CPQ: variants seen among roughly 807,000 people sequenced by gnomAD.
CPQ encodes the protein carboxypeptidase Q.
Under a neutral mutation model 45.7 loss-of-function variants are expected in CPQ, and 37 were observed. The ratio of observed to expected loss-of-function variants is 0.81; its 90% CI spans 0.62 to 1.07. The LOEUF is 1.07. CPQ is among the 50% of genes least tolerant of loss of function. The pLI is 0.00. For synonymous variants in CPQ, 186 were observed against 205.8 expected, an observed-to-expected ratio of 0.90 and a Z score of 0.82; for missense variants, 537 against 572.9, an observed-to-expected ratio of 0.94 and a Z score of 0.64.
At chr8:97,078,528 T>C (rs943397570) in intron 7 of CPQ, among the ~76,000 whole-genome samples, 1 of 152,164 alleles carries the variant, frequency 6.6e-6, no homozygotes, top group African/African-American at 2.4e-5. Flanking sequence ...ATTTTCTTTT[T>C]CCCCTGCCTA....
At chr8:97,066,256 T>A (rs369285216) in intron 7 of CPQ, 46 bp downstream of exon 7, 118 of 1,552,614 alleles carry the variant, frequency 7.6e-5, no homozygotes, top group Non-Finnish European at 2.0e-5. Context: ...TTGCCAACAA[T>A]TTAAAATAAA....
chr8:97,080,663 G>A (rs955080964), intron 7 of CPQ, among the ~76,000 whole-genome samples: 5 of 152,132 alleles, frequency 3.3e-5, no homozygotes, highest in African/African-American at 9.7e-5. Flanking sequence ...TTAACACAGT[G>A]AATTAAGTGT....
At chr8:96,677,855 G>A (rs947145655) in intron 1 of CPQ, among the ~76,000 whole-genome samples, 2 of 152,002 alleles carry the variant, frequency 1.3e-5, no homozygotes, top group Middle Eastern at 3.2e-3. Flanking sequence ...TATAATGTGA[G>A]AAATGAGGAT....
intron 4 of CPQ, among the ~76,000 whole-genome samples, chr8:96,894,228 C>T (rs1008434256): frequency 6.6e-6 from 1 of 152,168 alleles, no homozygotes; most frequent in Non-Finnish European, 1.5e-5. Flanking sequence ...AGACCCTAAG[C>T]CAGAACCACC....
At chr8:96,840,503 G>T (rs972857756) in intron 3 of CPQ, among the ~76,000 whole-genome samples, 1 of 152,110 alleles carries the variant, frequency 6.6e-6, no homozygotes, top group Non-Finnish European at 1.5e-5. Context: ...CCTAATACCC[G>T]TTGTATCAGA....
intron 1 of CPQ, among the ~76,000 whole-genome samples, chr8:96,745,592 G>C (rs1810169198): frequency 1.3e-5 from 2 of 152,136 alleles, no homozygotes; most frequent in South Asian, 4.1e-4. Flanking sequence ...TTTCATAGGT[G>C]AGAAAAATGA....
chr8:96,960,649 C>T (rs1813444300), intron 4 of CPQ, among the ~76,000 whole-genome samples: 1 of 152,172 alleles, frequency 6.6e-6, no homozygotes, highest in East Asian at 1.9e-4. Flanking sequence ...CTCCTCTCTG[C>T]CCTAACCCCC....
intron 6 of CPQ, among the ~76,000 whole-genome samples, chr8:97,049,849 G>A (rs1810327777): frequency 1.3e-5 from 2 of 152,170 alleles, no homozygotes; most frequent in Admixed American, 6.5e-5. Context: ...TTGGCATTAA[G>A]GTGCCAGGCC....
intron 7 of CPQ, chr8:97,133,179 A>T (rs143505565): frequency 1.3e-3 from 205 of 152,276 alleles, no homozygotes; most frequent in African/African-American, 4.6e-3. Context: ...ATACCTATAT[A>T]TACTCTCTCT....
At chr8:97,048,431 C>T (rs1010129154) in intron 6 of CPQ, among the ~76,000 whole-genome samples, 1 of 152,168 alleles carries the variant, frequency 6.6e-6, no homozygotes, top group Non-Finnish European at 1.5e-5. Context: ...ATATTACTTG[C>T]AAACTAAACT....
intron 7 of CPQ, among the ~76,000 whole-genome samples, chr8:97,078,800 T>TCTCTCC (rs1255535873): frequency 1.4e-5 from 2 of 141,202 alleles, no homozygotes; most frequent in South Asian, 2.3e-4. Flanking sequence ...TCTCTCTCTC[T>TCTCTCC]CTCTCTCCCT....
chr8:97,025,015 C>A (rs548039230), intron 5 of CPQ, among the ~76,000 whole-genome samples: 1 of 152,246 alleles, frequency 6.6e-6, no homozygotes, highest in Non-Finnish European at 1.5e-5. Context: ...AGGATCAATA[C>A]ATATTGTTAA....
At chr8:96,708,878 C>T (rs956738650) in intron 1 of CPQ, among the ~76,000 whole-genome samples, 1 of 152,140 alleles carries the variant, frequency 6.6e-6, no homozygotes, top group Non-Finnish European at 1.5e-5. Context: ...TTCTTTATCA[C>T]CCACCATTCA....
intron 4 of CPQ, among the ~76,000 whole-genome samples, chr8:96,883,192 G>A (rs1185949598): frequency 6.6e-6 from 1 of 152,184 alleles, no homozygotes; most frequent in Non-Finnish European, 1.5e-5. Flanking sequence ...GGATATGTGG[G>A]TGGTTTCTAG....
intron 1 of CPQ, among the ~76,000 whole-genome samples, chr8:96,739,902 T>C (rs1277169069): frequency 6.6e-6 from 1 of 152,188 alleles, no homozygotes; most frequent in Non-Finnish European, 1.5e-5. Context: ...GTGTGATGCC[T>C]CCAGCTTTGT....
chr8:97,027,190 A>G (rs1368760201), intron 5 of CPQ, among the ~76,000 whole-genome samples: 1 of 152,202 alleles, frequency 6.6e-6, no homozygotes, highest in African/African-American at 2.4e-5. Context: ...GAAGATTGTT[A>G]TCTTTGGCAA....
Position 97,078,104 on chromosome 8 carries a change from T to C in CPQ, c.1255+11894T>C, listed in dbSNP as rs934629957. On this transcript the variant is annotated intron_variant, in intron 7 of 7. Transcript: ENST00000220763. ...ATATTTGATGTGTTTCATTCCATTG[T>C]AGTAGCTATTTTATTGATGCTCAAA... Among the ~76,000 whole-genome samples, 4 of 152,234 alleles carry C rather than the reference T, an allele frequency of 2.6e-5. No individual in the cohort carries two copies. The East Asian group carries it at 7.7e-4, about 29-fold the overall frequency.
chr8:96,921,585 G>A (rs760272340), intron 4 of CPQ, among the ~76,000 whole-genome samples: 89 of 152,156 alleles, frequency 5.8e-4, no homozygotes, highest in Admixed American at 9.2e-4. Flanking sequence ...TTTGAGGCAG[G>A]AGTTAATGTG....
intron 4 of CPQ, 80 bp downstream of exon 4, chr8:96,880,085 G>C: frequency 5.5e-6 from 7 of 1,275,860 alleles, no homozygotes; most frequent in Non-Finnish European, 7.9e-6. Flanking sequence ...GGGAAAGAGA[G>C]AACGTGAAAC....
Sources: allele counts gnomAD v4.1 joint callset (sites outside exome capture counted in the v4.1 genomes callset), GRCh38; gene constraint gnomAD v4.1.1; transcripts MANE v1.5; gene names NCBI Gene and HGNC (gene_info 2026-07-23, HGNC 2026-07-21).